The following PDPN variants were observed in gnomAD, a reference collection of about 807,000 sequenced individuals.
PDPN encodes the protein PA2.26 antigen.
PDPN carries 12 observed loss-of-function variants against 23.2 expected under a neutral mutation model. That is an observed-to-expected ratio of 0.52 (90% CI 0.33 to 0.84). PDPN has a LOEUF of 0.84. PDPN is among the 40% of genes least tolerant of loss of function. The pLI is 0.02. For missense variants in PDPN, 199 were observed against 212.2 expected (o/e 0.94, Z 0.39); for synonymous variants, 77 against 76.7 (o/e 1.00, Z -0.02).
chr1:13,584,151 G>GC, intron 1 of PDPN, 51 bp downstream of exon 1: 1 of 1,591,982 alleles, frequency 6.3e-7, no homozygotes, highest in Non-Finnish European at 8.6e-7. Context: ...GGACGAGCGA[G>GC]CAGAGACTTG....
At chr1:13,602,335 A>G (rs1226037072) in intron 1 of PDPN, among the ~76,000 whole-genome samples, 2 of 152,204 alleles carry the variant, frequency 1.3e-5, no homozygotes, top group African/African-American at 4.8e-5. Flanking sequence ...CTCAAAAAAA[A>G]AAAATGCCAG....
At chr1:13,588,865 A>G (rs1640256071) in intron 1 of PDPN, among the ~76,000 whole-genome samples, 1 of 146,412 alleles carries the variant, frequency 6.8e-6, no homozygotes, top group African/African-American at 2.5e-5. Context: ...TTTAGTAGAG[A>G]TGGAGTTTCA....
At chr1:13,584,511 A>G (rs1354595856) in intron 1 of PDPN, among the ~76,000 whole-genome samples, 1 of 152,222 alleles carries the variant, frequency 6.6e-6, no homozygotes, top group Non-Finnish European at 1.5e-5. Flanking sequence ...TCGTAGAATC[A>G]GGAGGGACGT....
Position 13,615,984 on chromosome 1 carries a change from G to A in PDPN, c.*73G>A. On this transcript the variant is annotated 3_prime_UTR_variant, in exon 6 of 6. Transcript: ENST00000621990. Reference sequence around the variant, plus strand: ...GTTTCTGACTCTGTGCCCTGTCCCTGAGCTCGTGGGAGAAGATGACCCGTG... The same window carrying A: ...GTTTCTGACTCTGTGCCCTGTCCCTAAGCTCGTGGGAGAAGATGACCCGTG... 2.1e-6 allele frequency: 3 copies of A among 1,398,526 alleles called. No homozygotes were observed. In the South Asian group the frequency reaches 3.5e-5, roughly 16 times the overall value. The allele number at this position is 1,398,526 out of a possible 1,614,324, so 86.6% of individuals were successfully genotyped here.
At chr1:13,593,468 T>A (rs1239049319) in intron 1 of PDPN, among the ~76,000 whole-genome samples, 2 of 151,986 alleles carry the variant, frequency 1.3e-5, no homozygotes, top group East Asian at 3.9e-4. Flanking sequence ...ACAGAAGAGA[T>A]CCTCTTAGCC....
At chr1:13,596,682 A>G (rs1374883881) in intron 1 of PDPN, among the ~76,000 whole-genome samples, 1 of 152,210 alleles carries the variant, frequency 6.6e-6, no homozygotes, top group Non-Finnish European at 1.5e-5. Context: ...GCTGTAAGCA[A>G]AACATCGATA....
intron 1 of PDPN, chr1:13,585,785 G>T: frequency 1.9e-6 from 1 of 516,832 alleles, no homozygotes; most frequent in South Asian, 1.6e-5. Context: ...GGCCCAGCAG[G>T]GTTTTTGTCT....
intron 1 of PDPN, among the ~76,000 whole-genome samples, chr1:13,584,723 A>T (rs534047545): frequency 6.6e-6 from 1 of 152,228 alleles, no homozygotes; most frequent in Non-Finnish European, 1.5e-5. Flanking sequence ...GTGTGAGTGC[A>T]TGAGGATTGT....
intron 1 of PDPN, 22 bp from the exon 2 acceptor site, chr1:13,607,151 T>A (rs1438131700): frequency 6.2e-7 from 1 of 1,610,860 alleles, no homozygotes; most frequent in African/African-American, 1.3e-5. Flanking sequence ...CCTTAAGCTC[T>A]GACTCAATCT....
intron 1 of PDPN, among the ~76,000 whole-genome samples, chr1:13,588,588 T>C (rs1217888203): frequency 6.8e-6 from 1 of 147,460 alleles, no homozygotes; most frequent in African/African-American, 2.5e-5. Context: ...AATATAAATA[T>C]ATAACTATAT....
At chr1:13,593,660 C>T (rs1339554911) in intron 1 of PDPN, among the ~76,000 whole-genome samples, 1 of 152,288 alleles carries the variant, frequency 6.6e-6, no homozygotes, top group African/African-American at 2.4e-5. Flanking sequence ...AGGTCAGATG[C>T]AAAGGGGCTT....
At chr1:13,585,760 T>A in intron 1 of PDPN, 1 of 710,194 alleles carries the variant, frequency 1.4e-6, no homozygotes, top group South Asian at 1.4e-5. Context: ...GTTGCCTGGC[T>A]GCCAGAGGAG....
chr1:13,608,118 A>C (rs944115035), intron 2 of PDPN, among the ~76,000 whole-genome samples: 11 of 152,154 alleles, frequency 7.2e-5, no homozygotes, highest in African/African-American at 2.2e-4. Flanking sequence ...AAAATAAATA[A>C]ATAAATAAGT....
At chr1:13,611,420 A>G (rs1015115181) in intron 3 of PDPN, among the ~76,000 whole-genome samples, 2 of 152,180 alleles carry the variant, frequency 1.3e-5, no homozygotes, top group African/African-American at 2.4e-5. Context: ...ATGCAGACAC[A>G]TAATACAACA....
In PDPN at chr1:13,610,468, C is replaced by G. The variant is rs1280408464; in HGVS notation, c.283C>G (p.Gln95Glu). The G allele has an allele frequency of 6.2e-7, 1 of 1,614,090 alleles. No homozygotes were observed. Among genetic ancestry groups the G allele is most frequent in the Admixed American group, 1.7e-5 (1 of 60,008 alleles). ...TSESTVHAQE[Q>E]SPSATASNVA... is the part of the protein sequence containing the mutation. ...AGAAAGCACAGTCCACGCGCAAGAA[C>G]AAAGTCCAAGCGCCACAGCCTCAAA... The change falls in exon 3 of 6, where the codon CAA becomes GAA. Residue 95 changes from glutamine to glutamate, a missense_variant. Gln to Glu is a conservative substitution (Grantham distance 29). Transcript: ENST00000621990.
At chr1:13,611,603 G>A (rs1444108764) in intron 3 of PDPN, among the ~76,000 whole-genome samples, 1 of 152,186 alleles carries the variant, frequency 6.6e-6, no homozygotes, top group Non-Finnish European at 1.5e-5. Context: ...ACTGTTTAGT[G>A]GGTAGAGTTC....
rs1017751408 is a variant in PDPN at position 13,605,177 on chromosome 1, G to A, written c.68-1996G>A. Among the ~76,000 whole-genome samples the A allele has an allele frequency of 2.4e-5, 3 of 125,694 alleles. No individual in the cohort carries two copies. The South Asian group carries it at 7.2e-4, about 30-fold the overall frequency. The allele number at this position is 125,694 out of a possible 152,430, so 82.5% of individuals were successfully genotyped here. A position where few individuals can be genotyped will look rare whatever the true frequency, so the allele number is the denominator to read the frequency against. Reference sequence around the variant, plus strand: ...CTGTCTAAGCAGTGGGGAGAATAAGGTATCTTAAGGCAAGGAATGGATTGC... The same window carrying A: ...CTGTCTAAGCAGTGGGGAGAATAAGATATCTTAAGGCAAGGAATGGATTGC... On this transcript the variant is annotated intron_variant, in intron 1 of 5. Coordinates refer to ENST00000621990, the MANE Select transcript of PDPN (RefSeq NM_006474.5).
rs951119460 is a variant in PDPN, at chr1:13,584,142, G to C, written c.67+42G>C. ...GTGGCTTCCTGCCGTCGCTGATGGG[G>C]ACGAGCGAGCAGAGACTTGCTGGAA... On this transcript the variant is annotated intron_variant, in intron 1 of 5. Coordinates refer to ENST00000621990, the MANE Select transcript of PDPN (RefSeq NM_006474.5). 6.2e-6 allele frequency: 10 copies of C among 1,602,782 alleles called. No individual in the cohort carries two copies. In the Admixed American group the frequency reaches 1.5e-4, roughly 24 times the overall value.
chr1:13,605,280 C>T (rs148695629), intron 1 of PDPN, among the ~76,000 whole-genome samples: 177 of 152,226 alleles, frequency 1.2e-3, no homozygotes, highest in Non-Finnish European at 2.2e-3. Flanking sequence ...TAAGTGCTGC[C>T]TAGAGACAAA....
Sources: allele counts gnomAD v4.1 joint callset (sites outside exome capture counted in the v4.1 genomes callset), GRCh38; gene constraint gnomAD v4.1.1; transcripts MANE v1.5; gene names NCBI Gene and HGNC (gene_info 2026-07-23, HGNC 2026-07-21).